NPAS3: variants seen among roughly 807,000 people sequenced by gnomAD.
The protein encoded by NPAS3 is neuronal PAS domain protein 3.
A neutral mutation model predicts 73.1 loss-of-function variants in NPAS3; 14 were observed. That is an observed-to-expected ratio of 0.19 (90% CI 0.13 to 0.30). The LOEUF (loss-of-function observed/expected upper bound fraction) is 0.30, where lower values mean the gene tolerates loss of function less well. Among genes scored for constraint, NPAS3 ranks in the 10% least tolerant of loss-of-function variants. The pLI is 1.00. For synonymous variants in NPAS3, 620 were observed against 541.5 expected, an observed-to-expected ratio of 1.14 and a Z score of -2.01; for missense variants, 1,096 against 1,250.0, an observed-to-expected ratio of 0.88 and a Z score of 1.86.
At chr14:33,289,426 G>A (rs2042006900) in intron 3 of NPAS3, among the ~76,000 whole-genome samples, 1 of 152,124 alleles carries the variant, frequency 6.6e-6, no homozygotes, top group African/African-American at 2.4e-5. Context: ...TTTAAAACCT[G>A]AAAGATGGCT....
chr14:33,112,884 T>C (rs2042942637), intron 2 of NPAS3, among the ~76,000 whole-genome samples: 2 of 152,304 alleles, frequency 1.3e-5, no homozygotes, highest in African/African-American at 4.8e-5. Context: ...TTTCTACATA[T>C]GGCTAGCCAG....
At chr14:33,775,569 G>A (rs2062787141) in intron 8 of NPAS3, among the ~76,000 whole-genome samples, 3 of 152,124 alleles carry the variant, frequency 2.0e-5, no homozygotes, top group Non-Finnish European at 4.4e-5. Context: ...TATCATTTCT[G>A]AACAGGACCT....
chr14:33,576,612 A>G (rs1368985039), intron 5 of NPAS3, among the ~76,000 whole-genome samples: 2 of 152,162 alleles, frequency 1.3e-5, no homozygotes, highest in Non-Finnish European at 2.9e-5. Context: ...CAATAAATAA[A>G]ACAAAAAATT....
chr14:33,069,434 C>T (rs1183794254), intron 2 of NPAS3, among the ~76,000 whole-genome samples: 3 of 152,136 alleles, frequency 2.0e-5, no homozygotes, highest in Non-Finnish European at 2.9e-5. Context: ...TCGTTAAAGG[C>T]CAATGATTGC....
intron 4 of NPAS3, among the ~76,000 whole-genome samples, chr14:33,402,170 C>T (rs190839951): frequency 1.3e-5 from 2 of 152,052 alleles, no homozygotes; most frequent in Admixed American, 6.6e-5. Flanking sequence ...GAGTTTATTT[C>T]TGCTTTCCTG....
chr14:33,022,505 A>C (rs1174328151), intron 1 of NPAS3, among the ~76,000 whole-genome samples: 2 of 152,056 alleles, frequency 1.3e-5, no homozygotes, highest in Non-Finnish European at 2.9e-5. Flanking sequence ...TCTACTAAAA[A>C]ATACAAAAAA....
intron 4 of NPAS3, among the ~76,000 whole-genome samples, chr14:33,553,773 G>A (rs1254638459): frequency 1.3e-5 from 2 of 152,152 alleles, no homozygotes; most frequent in Non-Finnish European, 2.9e-5. Flanking sequence ...TTTTGTTTCT[G>A]CACAGTGCTG....
intron 5 of NPAS3, among the ~76,000 whole-genome samples, chr14:33,561,059 A>G (rs762499425): frequency 2.0e-5 from 3 of 152,190 alleles, no homozygotes; most frequent in Non-Finnish European, 4.4e-5. Flanking sequence ...TGGCATGAGG[A>G]AAACACTGCC....
chr14:33,392,754 C>T (rs949952681), intron 4 of NPAS3, among the ~76,000 whole-genome samples: 2 of 152,066 alleles, frequency 1.3e-5, no homozygotes, highest in Non-Finnish European at 2.9e-5. Context: ...CATCACCGCT[C>T]GTGTTACCCT....
chr14:33,491,610 A>G (rs2051903852), intron 4 of NPAS3, among the ~76,000 whole-genome samples: 2 of 152,186 alleles, frequency 1.3e-5, no homozygotes, highest in Admixed American at 6.5e-5. Context: ...CTAGTATCAT[A>G]ATCACAAAAC....
chr14:33,172,442 A>G (rs1281675005), intron 2 of NPAS3, among the ~76,000 whole-genome samples: 1 of 152,206 alleles, frequency 6.6e-6, no homozygotes, highest in Non-Finnish European at 1.5e-5. Flanking sequence ...TTGCATATAA[A>G]AATTAAAAAT....
chr14:33,606,862 T>C (rs2383518), intron 5 of NPAS3, among the ~76,000 whole-genome samples: 9,678 of 152,074 alleles, frequency 0.064, 591 homozygotes, highest in East Asian at 0.32. Context: ...TTATCCTCAA[T>C]ACACAAAGAA....
At chr14:33,770,084 C>A (rs528060698) in intron 7 of NPAS3, among the ~76,000 whole-genome samples, 1 of 152,132 alleles carries the variant, frequency 6.6e-6, no homozygotes, top group East Asian at 1.9e-4. Flanking sequence ...TTAAAAATGT[C>A]TATGAATATT....
At chr14:33,056,032 T>G in intron 2 of NPAS3, 38 bp downstream of exon 2, 1 of 793,020 alleles carries the variant, frequency 1.3e-6, no homozygotes, top group Non-Finnish European at 2.2e-6. Context: ...TTCTGGCTCG[T>G]ACATCAGTGC....
chr14:33,111,506 TC>T (rs2042890645), intron 2 of NPAS3, among the ~76,000 whole-genome samples: 1 of 152,128 alleles, frequency 6.6e-6, no homozygotes, highest in African/African-American at 2.4e-5. Context: ...ATAATTTATA[TC>T]CCCAGGAACT....
At chr14:33,794,443 C>T (rs1299136587) in intron 10 of NPAS3, among the ~76,000 whole-genome samples, 1 of 152,118 alleles carries the variant, frequency 6.6e-6, no homozygotes, top group Non-Finnish European at 1.5e-5. Flanking sequence ...TGAAGTAAAA[C>T]AGAGCGGGAG....
chr14:33,037,770 T>C (rs777790345), intron 1 of NPAS3, among the ~76,000 whole-genome samples: 57 of 152,240 alleles, frequency 3.7e-4, no homozygotes, highest in Non-Finnish European at 7.3e-4. Flanking sequence ...TTTGAAAGAA[T>C]TGGTGAAATA....
At chr14:33,437,350 G>A (rs900241552) in intron 4 of NPAS3, among the ~76,000 whole-genome samples, 21 of 152,188 alleles carry the variant, frequency 1.4e-4, no homozygotes, top group Non-Finnish European at 2.9e-5. Context: ...GCCTGCTTGG[G>A]GAAGAGGAAA....
downstream of NPAS3, chr14:33,803,088 T>C (rs2063754015): frequency 6.6e-6 from 1 of 152,232 alleles, no homozygotes; most frequent in South Asian, 2.1e-4. Flanking sequence ...AATAAATTGA[T>C]GCCATATAGC....
Sources: allele counts gnomAD v4.1 joint callset (sites outside exome capture counted in the v4.1 genomes callset), GRCh38; gene constraint gnomAD v4.1.1; transcripts MANE v1.5; gene names NCBI Gene and HGNC (gene_info 2026-07-23, HGNC 2026-07-21).